The following CTNNA1 variants were observed in gnomAD, a reference collection of about 807,000 sequenced individuals.
CTNNA1 encodes the protein catenin alpha-1.
CTNNA1 carries 37 observed loss-of-function variants against 98.4 expected under a neutral mutation model. The observed-to-expected ratio is 0.38, with a 90% CI of 0.29 to 0.49. The LOEUF (loss-of-function observed/expected upper bound fraction) is 0.49, where lower values mean the gene tolerates loss of function less well. CTNNA1 is among the 20% of genes least tolerant of loss of function. CTNNA1 has a pLI of 0.95. For synonymous variants in CTNNA1, 404 were observed against 413.2 expected, an observed-to-expected ratio of 0.98 and a Z score of 0.27; for missense variants, 761 against 1,147.2, an observed-to-expected ratio of 0.66 and a Z score of 4.86.
At chr5:138,868,539 C>A (rs182164134) in intron 7 of CTNNA1, among the ~76,000 whole-genome samples, 2 of 152,224 alleles carry the variant, frequency 1.3e-5, no homozygotes, top group Admixed American at 1.3e-4. Flanking sequence ...CAATTGGTAC[C>A]TTTCCGAAGC....
chr5:138,929,385 G>C (rs755127586), intron 14 of CTNNA1, 29 bp downstream of exon 14: 4 of 1,133,930 alleles, frequency 3.5e-6, no homozygotes, highest in Admixed American at 1.7e-5. Flanking sequence ...GGGCAGTTCA[G>C]CTTGTGCTGC....
At chr5:138,884,684 T>G (rs1322856977) in intron 7 of CTNNA1, among the ~76,000 whole-genome samples, 2 of 152,208 alleles carry the variant, frequency 1.3e-5, no homozygotes, top group African/African-American at 4.8e-5. Context: ...TGGACAGTTG[T>G]GCCTGAATTC....
chr5:138,776,062 T>C (rs1754116371), intron 1 of CTNNA1, among the ~76,000 whole-genome samples: 1 of 148,726 alleles, frequency 6.7e-6, no homozygotes, highest in African/African-American at 2.5e-5. Context: ...TTTTTTTTTT[T>C]TATTGATCAT....
At chr5:138,928,929 CTG>C (rs1183636694) in intron 13 of CTNNA1, among the ~76,000 whole-genome samples, 3 of 144,932 alleles carry the variant, frequency 2.1e-5, no homozygotes, top group Non-Finnish European at 3.1e-5. Flanking sequence ...GAGCGAGACT[CTG>C]TCTCAAAGGA....
At chr5:138,811,429 C>CAAA (rs1258224586) in intron 4 of CTNNA1, among the ~76,000 whole-genome samples, 2 of 107,472 alleles carry the variant, frequency 1.9e-5, no homozygotes, top group African/African-American at 6.6e-5. Flanking sequence ...CCTCACTTTC[C>CAAA]AGACTGGGCA....
intron 9 of CTNNA1, among the ~76,000 whole-genome samples, chr5:138,897,216 G>C (rs1757004325): frequency 6.7e-6 from 1 of 149,800 alleles, no homozygotes; most frequent in Non-Finnish European, 1.5e-5. Context: ...TCTATTCCAT[G>C]GACTACCTTG....
intron 13 of CTNNA1, 130 bp downstream of exon 13, chr5:138,925,537 G>T: frequency 1.5e-6 from 2 of 1,303,062 alleles, no homozygotes; most frequent in Non-Finnish European, 2.1e-6. Context: ...AAAGCTGTTA[G>T]AATGAGATAT....
intron 3 of CTNNA1, among the ~76,000 whole-genome samples, chr5:138,783,794 G>C (rs1755392796): frequency 6.6e-6 from 1 of 152,154 alleles, no homozygotes; most frequent in South Asian, 2.1e-4. Context: ...AGATGGGTGT[G>C]ATAAAATGGA....
Position 138,767,441 on chromosome 5 carries a change from T to C in CTNNA1, c.-3+13931T>C, listed in dbSNP as rs192515912. Among the ~76,000 whole-genome samples the C allele has an allele frequency of 2.9e-4, 44 of 152,298 alleles. 1 individual carries two copies. The highest frequency in any genetic ancestry group is 1.1e-3 in the African/African-American group (44 of 41,574). ...AAGGTGCTGGTGTTCTTTGGCGCCATTGTCCTTCACAACCTGAAACAGCCT... is the reference window on the plus strand; with the variant it reads ...AAGGTGCTGGTGTTCTTTGGCGCCACTGTCCTTCACAACCTGAAACAGCCT... On this transcript the variant is annotated intron_variant, in intron 1 of 17. Coordinates refer to ENST00000302763, the MANE Select transcript of CTNNA1 (RefSeq NM_001903.5).
chr5:138,778,519 T>A (rs1268440198), intron 1 of CTNNA1, among the ~76,000 whole-genome samples: 1 of 152,126 alleles, frequency 6.6e-6, no homozygotes, highest in East Asian at 1.9e-4. Context: ...GCATCTCAGG[T>A]TTCTGGACTG....
intron 7 of CTNNA1, among the ~76,000 whole-genome samples, chr5:138,867,419 G>A (rs1764890026): frequency 6.6e-6 from 1 of 152,174 alleles, no homozygotes; most frequent in Non-Finnish European, 1.5e-5. Flanking sequence ...TGGAAGCCAG[G>A]GCAGTTTATG....
rs1752024363 is a variant in CTNNA1, at chr5:138,758,966, G to A, written c.-3+5456G>A. Among the ~76,000 whole-genome samples, 3 of 152,194 alleles carry A rather than the reference G, an allele frequency of 2.0e-5. No individual in the cohort carries two copies. In the South Asian group the frequency reaches 6.2e-4, roughly 32 times the overall value. ...TTACAGGCATGCGCCACCACACCTG[G>A]CTAATTTTGTATTTTAAGTAGAGAC... On this transcript the variant is annotated intron_variant, in intron 1 of 17. Coordinates refer to ENST00000302763, the MANE Select transcript of CTNNA1 (RefSeq NM_001903.5).
chr5:138,932,540 G>A (rs1580929133), intron 16 of CTNNA1, 38 bp from the exon 17 acceptor site: 1 of 1,611,022 alleles, frequency 6.2e-7, no homozygotes, highest in Non-Finnish European at 8.5e-7. Flanking sequence ...GCTTGGGCCA[G>A]GCCAGGATAC....
At chr5:138,789,763 A>T (rs1756149358) in intron 3 of CTNNA1, among the ~76,000 whole-genome samples, 1 of 151,928 alleles carries the variant, frequency 6.6e-6, no homozygotes, top group Non-Finnish European at 1.5e-5. Flanking sequence ...GCTGCAGGAG[A>T]GGTTTAATAT....
chr5:138,918,679 C>G (rs1427360137), intron 11 of CTNNA1, among the ~76,000 whole-genome samples: 2 of 152,170 alleles, frequency 1.3e-5, no homozygotes, highest in Middle Eastern at 3.2e-3. Context: ...AAATTTCAAT[C>G]CCATCTTCTT....
intron 1 of CTNNA1, among the ~76,000 whole-genome samples, chr5:138,768,500 A>G (rs1753176013): frequency 6.6e-6 from 1 of 150,454 alleles, no homozygotes; most frequent in East Asian, 1.9e-4. Context: ...ACCTCAAGCA[A>G]TCCACCCACC....
At chr5:138,891,614 G>C (rs1755377576) in intron 9 of CTNNA1, among the ~76,000 whole-genome samples, 2 of 152,142 alleles carry the variant, frequency 1.3e-5, no homozygotes, top group Non-Finnish European at 2.9e-5. Flanking sequence ...ACAAAAATTA[G>C]CCGGGCATGG....
At chr5:138,806,897 T>A (rs1201908247) in intron 3 of CTNNA1, among the ~76,000 whole-genome samples, 1 of 152,094 alleles carries the variant, frequency 6.6e-6, no homozygotes, top group East Asian at 1.9e-4. Flanking sequence ...AGTTAGTTAA[T>A]CTGTATAAGC....
intron 1 of CTNNA1, among the ~76,000 whole-genome samples, chr5:138,780,070 T>C (rs1222188940): frequency 1.3e-5 from 2 of 152,234 alleles, no homozygotes; most frequent in Non-Finnish European, 2.9e-5. Flanking sequence ...TATAAAGCAG[T>C]GTTGTGAACA....
Sources: allele counts gnomAD v4.1 joint callset (sites outside exome capture counted in the v4.1 genomes callset), GRCh38; gene constraint gnomAD v4.1.1; transcripts MANE v1.5; gene names NCBI Gene and HGNC (gene_info 2026-07-23, HGNC 2026-07-21).